The following DIP2B variants were observed in gnomAD, a reference collection of about 807,000 sequenced individuals.
The protein encoded by DIP2B is disco-interacting protein 2 homolog B.
A neutral mutation model predicts 198.0 loss-of-function variants in DIP2B; 76 were observed. The observed-to-expected ratio is 0.38, with a 90% CI of 0.32 to 0.46. The LOEUF is 0.46. Ranked by LOEUF, DIP2B falls within the 20% of genes least tolerant of loss-of-function variation. DIP2B has a pLI of 0.99. For synonymous variants in DIP2B, 701 were observed against 739.1 expected (o/e 0.95, Z 0.84); for missense variants, 1,559 against 1,978.4 (o/e 0.79, Z 4.02).
intron 1 of DIP2B, among the ~76,000 whole-genome samples, chr12:50,515,794 C>T (rs1565809326): frequency 6.6e-6 from 1 of 152,204 alleles, no homozygotes; most frequent in Non-Finnish European, 1.5e-5. Flanking sequence ...TGACTTGCCT[C>T]TGCTCTAGAC....
chr12:50,637,086 G>A (rs1375982345), intron 2 of DIP2B, among the ~76,000 whole-genome samples: 1 of 152,088 alleles, frequency 6.6e-6, no homozygotes, highest in Non-Finnish European at 1.5e-5. Flanking sequence ...TCTTGGATGG[G>A]GTGGGAGTGA....
At chr12:50,547,640 A>G (rs1958389147) in intron 1 of DIP2B, among the ~76,000 whole-genome samples, 1 of 152,192 alleles carries the variant, frequency 6.6e-6, no homozygotes, top group African/African-American at 2.4e-5. Context: ...TTTGCTGTGA[A>G]CCTAAAACTG....
chr12:50,576,610 C>G (rs924959682), intron 1 of DIP2B, among the ~76,000 whole-genome samples: 4 of 151,782 alleles, frequency 2.6e-5, no homozygotes, highest in African/African-American at 9.7e-5. Context: ...TCCCTAGTAG[C>G]TGGGACTACA....
intron 30 of DIP2B, 38 bp downstream of exon 30, chr12:50,728,716 G>A: frequency 6.3e-7 from 1 of 1,598,586 alleles, no homozygotes; most frequent in Non-Finnish European, 8.5e-7. Context: ...AATGTGTGGG[G>A]GTATACTTTG....
intron 35 of DIP2B, 78 bp from the exon 36 acceptor site, chr12:50,739,331 A>G: frequency 6.7e-7 from 1 of 1,503,032 alleles, no homozygotes; most frequent in Non-Finnish European, 9.0e-7. Flanking sequence ...GATTTAAAAA[A>G]TCAAAATAAC....
At chr12:50,670,385 C>T (rs1659810661) in intron 4 of DIP2B, among the ~76,000 whole-genome samples, 1 of 152,024 alleles carries the variant, frequency 6.6e-6, no homozygotes, top group Admixed American at 6.6e-5. Context: ...TCCCTAGCAC[C>T]TAGCTCACTG....
intron 4 of DIP2B, among the ~76,000 whole-genome samples, chr12:50,660,559 CTT>C (rs1000542930): frequency 2.8e-5 from 4 of 144,232 alleles, no homozygotes; most frequent in Non-Finnish European, 4.6e-5. Context: ...AATTTCCAGT[CTT>C]TTTTTTTTTT....
At chr12:50,587,901 C>G (rs1958784449) in intron 1 of DIP2B, among the ~76,000 whole-genome samples, 1 of 152,098 alleles carries the variant, frequency 6.6e-6, no homozygotes, top group Non-Finnish European at 1.5e-5. Context: ...TGTTTAAATT[C>G]TGACCTAATT....
At chr12:50,717,411 G>T (rs1237869241) in intron 23 of DIP2B, among the ~76,000 whole-genome samples, 1 of 141,504 alleles carries the variant, frequency 7.1e-6, no homozygotes, top group African/African-American at 2.7e-5. Context: ...TGTCGCCCAG[G>T]CTGGAGTGCA....
At chr12:50,600,024 C>A (rs982665455) in intron 1 of DIP2B, among the ~76,000 whole-genome samples, 2 of 152,166 alleles carry the variant, frequency 1.3e-5, no homozygotes, top group Admixed American at 1.3e-4. Context: ...TATTGAGAAC[C>A]TTTGTTTTTA....
chr12:50,729,259 G>A (rs1016742636), intron 30 of DIP2B, among the ~76,000 whole-genome samples: 7 of 152,136 alleles, frequency 4.6e-5, no homozygotes, highest in African/African-American at 1.7e-4. Context: ...GTTAGGATAG[G>A]ATCATCCATG....
intron 26 of DIP2B, among the ~76,000 whole-genome samples, chr12:50,722,044 A>C (rs1939846215): frequency 6.6e-6 from 1 of 152,000 alleles, no homozygotes; most frequent in African/African-American, 2.4e-5. Context: ...TCATGTTCTG[A>C]TTTAATTCAA....
At chr12:50,549,022 A>G (rs747124196) in intron 1 of DIP2B, among the ~76,000 whole-genome samples, 1 of 152,210 alleles carries the variant, frequency 6.6e-6, no homozygotes, top group African/African-American at 2.4e-5. Context: ...TTTAAATTTT[A>G]TGTAATTAGC....
intron 1 of DIP2B, among the ~76,000 whole-genome samples, chr12:50,618,733 A>G (rs775938534): frequency 2.0e-5 from 3 of 152,172 alleles, no homozygotes; most frequent in Non-Finnish European, 2.9e-5. Flanking sequence ...AAATGATGAT[A>G]ATATCACCTG....
Position 50,678,537 on chromosome 12 carries a change from A to G in DIP2B, c.917-142A>G, listed in dbSNP as rs1393903221. 9.1e-6 allele frequency: 8 copies of G among 882,998 alleles called. 1 individual carries two copies. The South Asian group carries it at 1.5e-4, about 16-fold the overall frequency. 54.7% of individuals were successfully genotyped at this position (882,998 alleles called of 1,614,324 possible). A position where few individuals can be genotyped will look rare whatever the true frequency, so the allele number is the denominator to read the frequency against. On this transcript the variant is annotated intron_variant, in intron 7 of 37. Transcript: ENST00000301180. The stretch of plus-strand genomic sequence containing the variant: ...ATTAAGGCCCAGTTTGTGGACCACC[A>G]TTTCTAACCATGTCCTTTCTCAAAG...
chr12:50,664,564 A>G (rs967755119), intron 4 of DIP2B, among the ~76,000 whole-genome samples: 2 of 152,128 alleles, frequency 1.3e-5, no homozygotes, highest in Admixed American at 6.5e-5. Flanking sequence ...GTGTAATGCT[A>G]TTACTCATTC....
intron 1 of DIP2B, among the ~76,000 whole-genome samples, chr12:50,508,657 T>A (rs1405087075): frequency 1.3e-5 from 2 of 152,196 alleles, no homozygotes; most frequent in Non-Finnish European, 1.5e-5. Context: ...GATTTAAATA[T>A]TTGTGCTGTC....
At chr12:50,553,279 T>A (rs994399939) in intron 1 of DIP2B, among the ~76,000 whole-genome samples, 4 of 152,246 alleles carry the variant, frequency 2.6e-5, no homozygotes, top group Non-Finnish European at 4.4e-5. Flanking sequence ...TAAGCTGTTA[T>A]TAAAATTGTC....
chr12:50,626,192 G>A, intron 2 of DIP2B, 145 bp downstream of exon 2: 1 of 808,176 alleles, frequency 1.2e-6, no homozygotes. Context: ...AAGAAAGGAG[G>A]AAATGAATCT....
Sources: gnomAD v4.1 joint callset for allele counts (sites outside exome capture counted in the v4.1 genomes callset) on GRCh38, gnomAD v4.1.1 for gene constraint, MANE v1.5 for transcripts, NCBI Gene and HGNC (gene_info 2026-07-23, HGNC 2026-07-21) for gene names.